Variants in SPRED1 observed in about 807,000 individuals in gnomAD.
The protein encoded by SPRED1 is sprouty related EVH1 domain containing 1.
SPRED1 carries 18 observed loss-of-function variants against 52.3 expected under a neutral mutation model. That is an observed-to-expected ratio of 0.34 (90% CI 0.24 to 0.51). The LOEUF (loss-of-function observed/expected upper bound fraction) is 0.51, where lower values mean the gene tolerates loss of function less well. Among genes scored for constraint, SPRED1 ranks in the 20% least tolerant of loss-of-function variants. SPRED1 has a pLI of 0.97. For synonymous variants in SPRED1, 155 were observed against 179.7 expected (o/e 0.86, Z 1.10); for missense variants, 485 against 551.0 (o/e 0.88, Z 1.20).
chr15:38,327,985 T>C (rs1267707088), intron 4 of SPRED1, among the ~76,000 whole-genome samples: 1 of 152,222 alleles, frequency 6.6e-6, no homozygotes, highest in Non-Finnish European at 1.5e-5. Context: ...CATGATGTTC[T>C]AAAGGTTTAG....
chr15:38,269,936 C>G (rs1894397787), intron 1 of SPRED1, among the ~76,000 whole-genome samples: 1 of 116,812 alleles, frequency 8.6e-6, no homozygotes, highest in African/African-American at 3.3e-5. Flanking sequence ...GAGACAGAGT[C>G]TTGCTCTGTC....
At chr15:38,329,606 G>T (rs976721541) in intron 4 of SPRED1, among the ~76,000 whole-genome samples, 1 of 151,886 alleles carries the variant, frequency 6.6e-6, no homozygotes, top group Non-Finnish European at 1.5e-5. Context: ...CAATAAGAGA[G>T]CAAAAAAATT....
At position 38,356,911 on chromosome 15, in the gene SPRED1, C is replaced by G. The variant is rs1595767170; in HGVS notation, c.*5247C>G. 6.6e-6 allele frequency: 1 copy of G among 152,090 alleles called. No homozygotes were observed. Among genetic ancestry groups the G allele is most frequent in the Non-Finnish European group, 1.5e-5 (1 of 67,972 alleles). 9.4% of individuals were successfully genotyped at this position (152,090 alleles called of 1,614,324 possible). On this transcript the variant is annotated 3_prime_UTR_variant, in exon 7 of 7. Transcript: ENST00000299084. Reference sequence around the variant, plus strand: ...CTATATTATAGTTTATTTGAAAAATCAAGGAGTAACTGTATCTTTACCATT... The same window carrying G: ...CTATATTATAGTTTATTTGAAAAATGAAGGAGTAACTGTATCTTTACCATT...
intron 2 of SPRED1, among the ~76,000 whole-genome samples, chr15:38,310,339 C>T (rs889002137): frequency 9.2e-5 from 14 of 152,086 alleles, no homozygotes; most frequent in Admixed American, 9.2e-4. Context: ...GGGGGTTTCA[C>T]CATGTTGACC....
chr15:38,298,458 A>G (rs1895081190), intron 1 of SPRED1: 4 of 277,702 alleles, frequency 1.4e-5, no homozygotes, highest in Non-Finnish European at 2.7e-5. Context: ...ATGCCTGTCC[A>G]TGTAAGAAAG....
At position 38,253,040 on chromosome 15, in the gene SPRED1, G is replaced by GGGTGAGGCATCCACCAT; in HGVS notation, c.-137_-121dup. On this transcript the variant is annotated 5_prime_UTR_variant, in exon 1 of 7. The change creates a new upstream start codon in the 5' untranslated region. Coordinates refer to ENST00000299084, the MANE Select transcript of SPRED1 (RefSeq NM_152594.3). ...TTCCCGGCTGGGGGGGTACCGTTCTGGGTGAGGCATCCACCATGGTGAGGC... is the reference window on the plus strand; with the variant it reads ...TTCCCGGCTGGGGGGGTACCGTTCTGGGTGAGGCATCCACCATGGTGAGGCATCCACCATGGTGAGGC... 1 of 726,942 alleles carries GGGTGAGGCATCCACCAT rather than the reference G, an allele frequency of 1.4e-6. No homozygotes were observed. 45.0% of individuals were successfully genotyped at this position (726,942 alleles called of 1,614,324 possible). A position where few individuals can be genotyped will look rare whatever the true frequency, so the allele number is the denominator to read the frequency against.
chr15:38,252,926 T>TC lies in SPRED1; in HGVS notation c.-257dup. On this transcript the variant is annotated 5_prime_UTR_variant, in exon 1 of 7. Coordinates refer to ENST00000299084, the MANE Select transcript of SPRED1 (RefSeq NM_152594.3). The stretch of plus-strand genomic sequence containing the variant: ...TCCCTTTCCACCGGGCCTCCTCGGA[T>TC]CCCTTGGCTGGGCACTGAGGCGGGG... 1.7e-6 allele frequency: 1 copy of TC among 578,976 alleles called. No individual in the cohort carries two copies. Among genetic ancestry groups the TC allele is most frequent in the Non-Finnish European group, 3.1e-6 (1 of 324,750 alleles). 35.9% of individuals were successfully genotyped at this position (578,976 alleles called of 1,614,324 possible).
At chr15:38,278,054 A>T (rs1375634264) in intron 1 of SPRED1, among the ~76,000 whole-genome samples, 2 of 152,216 alleles carry the variant, frequency 1.3e-5, no homozygotes, top group African/African-American at 4.8e-5. Context: ...TTTAACATCA[A>T]ATTTTATAAA....
rs1169057886 is a variant in SPRED1 at position 38,352,877 on chromosome 15, A to G, written c.*1213A>G. On this transcript the variant is annotated 3_prime_UTR_variant, in exon 7 of 7. Transcript: ENST00000299084. ...AAAATGTGTGCTAAACTATCCCAGG[A>G]AAGTATTTAATCCAACATTGTAAAT... The G allele has an allele frequency of 1.3e-5, 2 of 152,174 alleles. No homozygotes were observed. Among genetic ancestry groups the G allele is most frequent in the Non-Finnish European group, 2.9e-5 (2 of 67,968 alleles). The allele number at this position is 152,174 out of a possible 1,614,324, so 9.4% of individuals were successfully genotyped here.
At chr15:38,305,988 A>AT (rs1407015815) in intron 2 of SPRED1, among the ~76,000 whole-genome samples, 27 of 147,898 alleles carry the variant, frequency 1.8e-4, no homozygotes, top group East Asian at 9.9e-4. Flanking sequence ...TAAGGCTACT[A>AT]TTTTTTTTTT....
chr15:38,330,796 A>G (rs1276243524), intron 4 of SPRED1, among the ~76,000 whole-genome samples: 1 of 152,146 alleles, frequency 6.6e-6, no homozygotes, highest in East Asian at 1.9e-4. Context: ...TACAATTACA[A>G]GAATGATGTT....
intron 1 of SPRED1, chr15:38,283,546 G>A (rs1474642097): frequency 1.0e-6 from 1 of 974,170 alleles, no homozygotes; most frequent in Non-Finnish European, 1.2e-6. Flanking sequence ...AGTGCTATGA[G>A]CTTATATTTA....
At chr15:38,308,958 C>A (rs1358956637) in intron 2 of SPRED1, among the ~76,000 whole-genome samples, 1 of 152,116 alleles carries the variant, frequency 6.6e-6, no homozygotes, top group Non-Finnish European at 1.5e-5. Context: ...TATGAGCAAT[C>A]CATTTTCTAA....
intron 2 of SPRED1, among the ~76,000 whole-genome samples, chr15:38,311,917 T>A (rs1895375157): frequency 1.3e-5 from 2 of 152,146 alleles, no homozygotes; most frequent in Admixed American, 6.5e-5. Flanking sequence ...TCTTTTTGCT[T>A]GCTTTGGGTT....
At chr15:38,338,580 A>C (rs1406555844) in intron 4 of SPRED1, among the ~76,000 whole-genome samples, 1 of 152,136 alleles carries the variant, frequency 6.6e-6, no homozygotes, top group African/African-American at 2.4e-5. Flanking sequence ...TTTAAGTGAC[A>C]GTAGATTCTC....
chr15:38,262,393 G>T (rs1980290), intron 1 of SPRED1, among the ~76,000 whole-genome samples: 125,568 of 152,186 alleles, frequency 0.83, 52,574 homozygotes, highest in Non-Finnish European at 0.9. Flanking sequence ...GGAGTTGGTG[G>T]CAGGATGGTG....
chr15:38,347,926 G>C (rs1486720514), intron 5 of SPRED1, among the ~76,000 whole-genome samples: 2 of 151,854 alleles, frequency 1.3e-5, no homozygotes, highest in South Asian at 4.1e-4. Flanking sequence ...AGTGTGAAAA[G>C]GTCAATATTG....
chr15:38,325,562 G>C (rs968646693), intron 4 of SPRED1, among the ~76,000 whole-genome samples: 1 of 151,986 alleles, frequency 6.6e-6, no homozygotes, highest in Non-Finnish European at 1.5e-5. Context: ...TGAGAAGGCC[G>C]AATTCTATTT....
intron 1 of SPRED1, among the ~76,000 whole-genome samples, chr15:38,280,489 A>G (rs1200150005): frequency 6.7e-6 from 1 of 150,338 alleles, no homozygotes; most frequent in Non-Finnish European, 1.5e-5. Context: ...CAGAATTGAC[A>G]TGGATATCAT....
Sources: gnomAD v4.1 joint callset for allele counts (sites outside exome capture counted in the v4.1 genomes callset) on GRCh38, gnomAD v4.1.1 for gene constraint, MANE v1.5 for transcripts, NCBI Gene and HGNC (gene_info 2026-07-23, HGNC 2026-07-21) for gene names.